MARCHF1: variants seen among roughly 807,000 people sequenced by gnomAD.
MARCHF1 encodes the protein membrane associated ring-CH-type finger 1, also known as E3 ubiquitin-protein ligase MARCHF1.
A neutral mutation model predicts 54.2 loss-of-function variants in MARCHF1; 40 were observed. The ratio of observed to expected loss-of-function variants is 0.74; its 90% CI spans 0.57 to 0.96. The LOEUF is 0.96. Ranked by LOEUF, MARCHF1 falls within the 40% of genes least tolerant of loss-of-function variation. The probability of loss-of-function intolerance (pLI) is 0.00; values close to 1 mark genes in which losing one functional copy is unlikely to be tolerated. For synonymous variants in MARCHF1, 236 were observed against 236.3 expected, an observed-to-expected ratio of 1.00 and a Z score of 0.01; for missense variants, 586 against 656.5, an observed-to-expected ratio of 0.89 and a Z score of 1.17.
chr4:163,668,949 G>A (rs1250082381), intron 5 of MARCHF1, among the ~76,000 whole-genome samples: 1 of 152,090 alleles, frequency 6.6e-6, no homozygotes, highest in East Asian at 1.9e-4. Context: ...GAGTCCTTGA[G>A]ATCCATCCAT....
chr4:164,093,453 A>G (rs1016764284), intron 2 of MARCHF1, among the ~76,000 whole-genome samples: 2 of 152,178 alleles, frequency 1.3e-5, no homozygotes, highest in African/African-American at 4.8e-5. Flanking sequence ...ACACTGAGAA[A>G]TGAAAAGTAA....
chr4:163,904,581 A>G (rs957605218), intron 3 of MARCHF1, among the ~76,000 whole-genome samples: 1 of 152,192 alleles, frequency 6.6e-6, no homozygotes, highest in Non-Finnish European at 1.5e-5. Context: ...GAGAAAATCC[A>G]TACTTAGAGA....
intron 4 of MARCHF1, among the ~76,000 whole-genome samples, chr4:163,809,051 C>G (rs1423150933): frequency 6.6e-6 from 1 of 152,074 alleles, no homozygotes; most frequent in African/African-American, 2.4e-5. Context: ...CTTTCCTCAC[C>G]GCTTGCATCT....
chr4:163,873,125 G>A (rs891374467), intron 3 of MARCHF1, among the ~76,000 whole-genome samples: 1 of 152,064 alleles, frequency 6.6e-6, no homozygotes, highest in Non-Finnish European at 1.5e-5. Context: ...GTTACAAACT[G>A]GAAAAATAAT....
At chr4:163,897,766 C>T (rs1311183461) in intron 3 of MARCHF1, among the ~76,000 whole-genome samples, 5 of 151,974 alleles carry the variant, frequency 3.3e-5, no homozygotes, top group African/African-American at 1.2e-4. Flanking sequence ...CTATAAAAAT[C>T]CTTGAAGAGG....
intron 3 of MARCHF1, among the ~76,000 whole-genome samples, chr4:163,916,679 T>C (rs552655873): frequency 6.6e-6 from 1 of 152,240 alleles, no homozygotes; most frequent in African/African-American, 2.4e-5. Flanking sequence ...ATATATTTTA[T>C]CAGACTTTAT....
intron 2 of MARCHF1, among the ~76,000 whole-genome samples, chr4:164,000,473 A>G (rs914988955): frequency 1.3e-5 from 2 of 151,666 alleles, no homozygotes; most frequent in African/African-American, 4.8e-5. Flanking sequence ...ATTCAAATAT[A>G]TGAGAAAAGA....
chr4:163,788,240 C>T (rs1474938151), intron 4 of MARCHF1, among the ~76,000 whole-genome samples: 15 of 151,814 alleles, frequency 9.9e-5, no homozygotes, highest in Admixed American at 6.6e-4. Flanking sequence ...CAATGAAAAA[C>T]GACAACCCTG....
At chr4:164,167,585 G>A (rs996275433) in intron 1 of MARCHF1, among the ~76,000 whole-genome samples, 5 of 151,442 alleles carry the variant, frequency 3.3e-5, no homozygotes, top group African/African-American at 9.7e-5. Context: ...AAGACACAAA[G>A]GCCAATAGAA....
intron 5 of MARCHF1, among the ~76,000 whole-genome samples, chr4:163,631,659 C>T: frequency 6.6e-6 from 1 of 152,198 alleles, no homozygotes; most frequent in South Asian, 2.1e-4. Flanking sequence ...AAACAATACA[C>T]AGATACAAAC....
intron 1 of MARCHF1, among the ~76,000 whole-genome samples, chr4:164,210,586 C>G (rs1167248395): frequency 6.6e-6 from 1 of 151,966 alleles, no homozygotes; most frequent in Non-Finnish European, 1.5e-5. Flanking sequence ...ATTGGCATTC[C>G]TTGGTATATA....
intron 4 of MARCHF1, among the ~76,000 whole-genome samples, chr4:163,722,209 C>T (rs1206103385): frequency 4.6e-5 from 7 of 151,984 alleles, no homozygotes; most frequent in Non-Finnish European, 1.0e-4. Context: ...AAATGTGTCC[C>T]AGAGATTCTG....
At chr4:163,640,329 T>C (rs1742508875) in intron 5 of MARCHF1, among the ~76,000 whole-genome samples, 1 of 152,160 alleles carries the variant, frequency 6.6e-6, no homozygotes, top group Non-Finnish European at 1.5e-5. Context: ...AGTAATATGC[T>C]TCCATGAAGC....
At chr4:164,212,505 T>C (rs1225685353) in intron 1 of MARCHF1, among the ~76,000 whole-genome samples, 3 of 152,236 alleles carry the variant, frequency 2.0e-5, no homozygotes, top group Non-Finnish European at 4.4e-5. Context: ...TTTCTGTTTT[T>C]TCATGGGTTT....
intron 1 of MARCHF1, among the ~76,000 whole-genome samples, chr4:164,369,214 C>A (rs1730963930): frequency 6.6e-6 from 1 of 152,132 alleles, no homozygotes; most frequent in African/African-American, 2.4e-5. Context: ...TTCCCTTTAG[C>A]TGGGCAACAA....
intron 4 of MARCHF1, among the ~76,000 whole-genome samples, chr4:163,841,455 T>A (rs952390490): frequency 0.016 from 126 of 7,926 alleles, 1 homozygote; most frequent in East Asian, 0.05. Flanking sequence ...CTATTTTTTT[T>A]AAAAAAAGAA....
intron 5 of MARCHF1, among the ~76,000 whole-genome samples, chr4:163,614,717 C>T (rs1741457102): frequency 6.6e-6 from 1 of 152,076 alleles, no homozygotes; most frequent in Admixed American, 6.6e-5. Context: ...GAATATTTTA[C>T]CTTTTATGGT....
chr4:164,210,515 A>G (rs937422422), intron 1 of MARCHF1, among the ~76,000 whole-genome samples: 9 of 152,186 alleles, frequency 5.9e-5, no homozygotes, highest in African/African-American at 1.4e-4. Flanking sequence ...GGGTAAGTCA[A>G]GAAAACTGTC....
chr4:164,260,948 G>T (rs1579669674), intron 1 of MARCHF1, among the ~76,000 whole-genome samples: 1 of 152,180 alleles, frequency 6.6e-6, no homozygotes, highest in East Asian at 1.9e-4. Context: ...AAGCTATGTT[G>T]TTGAATTATT....
Sources: gnomAD v4.1 joint callset for allele counts (sites outside exome capture counted in the v4.1 genomes callset) on GRCh38, gnomAD v4.1.1 for gene constraint, MANE v1.5 for transcripts, NCBI Gene and HGNC (gene_info 2026-07-23, HGNC 2026-07-21) for gene names.